Variants in EDA2R observed in about 807,000 individuals in gnomAD.
The protein encoded by EDA2R is ectodysplasin A2 receptor.
EDA2R carries 26 observed loss-of-function variants against 20.1 expected under a neutral mutation model. The ratio of observed to expected loss-of-function variants is 1.30; its 90% confidence interval spans 0.95 to 1.80. EDA2R has a LOEUF of 1.80. Ranked by LOEUF, EDA2R falls within the 40% of genes most tolerant of loss-of-function variation. The pLI, the probability that EDA2R is intolerant of heterozygous loss-of-function variation, is 0.00. For missense variants in EDA2R, 277 were observed against 228.7 expected, an observed-to-expected ratio of 1.21 and a Z score of -1.36; for synonymous variants, 114 against 88.7, an observed-to-expected ratio of 1.29 and a Z score of -1.60.
chrX:66,597,751 C>G lies in EDA2R; in HGVS notation c.*353G>C, dbSNP rs1927716172. ...AAAGTGCTAGGTAGATGTGCCAACA[C>G]AATTTTGAGAGGCTTACCTGACCAA... On this transcript the variant is annotated 3_prime_UTR_variant, in exon 7 of 7. Transcript: ENST00000374719. The G allele has an allele frequency of 6.7e-6, 1 of 148,932 alleles. No homozygotes were observed. Among genetic ancestry groups the G allele is most frequent in the Non-Finnish European group, 1.3e-5 (1 of 75,020 alleles). The allele number at this position is 148,932 out of a possible 1,213,427, so 12.3% of individuals were successfully genotyped here.
At chrX:66,622,855 T>G (rs1266282213) in intron 1 of EDA2R, among the ~76,000 whole-genome samples, 1 of 112,290 alleles carries the variant, frequency 8.9e-6, no homozygotes, top group Non-Finnish European at 1.9e-5. Flanking sequence ...CTATCAAACA[T>G]CATATCTTCC....
intron 1 of EDA2R, among the ~76,000 whole-genome samples, chrX:66,617,623 G>A (rs192448490): frequency 5.4e-5 from 6 of 111,352 alleles, no homozygotes; most frequent in East Asian, 2.9e-4. Flanking sequence ...CAACATAGGC[G>A]TTTAAAATCT....
chrX:66,597,994 G>C lies in EDA2R; in HGVS notation c.*110C>G, dbSNP rs1229437287. The C allele has an allele frequency of 1.1e-6, 1 of 951,116 alleles. No individual in the cohort carries two copies. The highest frequency in any genetic ancestry group is 2.0e-5 in the African/African-American group (1 of 49,606). 78.4% of individuals were successfully genotyped at this position (951,116 alleles called of 1,213,427 possible). ...GATATGCCCCATCTGTAGGGTATTAGCTCTTGTGGACATCACATTTCAGGC... is the reference window on the plus strand; with the variant it reads ...GATATGCCCCATCTGTAGGGTATTACCTCTTGTGGACATCACATTTCAGGC... On this transcript the variant is annotated 3_prime_UTR_variant, in exon 7 of 7. Transcript: ENST00000374719.
intron 1 of EDA2R, among the ~76,000 whole-genome samples, chrX:66,618,793 ACATC>A (rs10554107): frequency 0.066 from 7,445 of 112,046 alleles, 617 homozygotes; most frequent in African/African-American, 0.23. Context: ...TAGTAACCTC[ACATC>A]CATCAAAAAA....
intron 5 of EDA2R, among the ~76,000 whole-genome samples, chrX:66,600,729 A>G (rs1928436491): frequency 8.9e-6 from 1 of 112,015 alleles, no homozygotes; most frequent in Admixed American, 9.4e-5. Flanking sequence ...CTGGTTCAAC[A>G]TCAGGTCACA....
chrX:66,599,935 T>A, intron 5 of EDA2R, 75 bp from the exon 6 acceptor site: 1 of 1,153,145 alleles, frequency 8.7e-7, no homozygotes, highest in Non-Finnish European at 1.2e-6. Context: ...GGGTACTGAG[T>A]ACAAGACAGG....
chrX:66,638,313 T>C (rs985642830), intron 1 of EDA2R, among the ~76,000 whole-genome samples: 1 of 111,722 alleles, frequency 9.0e-6, no homozygotes, highest in African/African-American at 3.3e-5. Flanking sequence ...AGCATGACAT[T>C]GGCCAACGCT....
chrX:66,636,093 G>T (rs1195506273), intron 1 of EDA2R, among the ~76,000 whole-genome samples: 1 of 110,508 alleles, frequency 9.0e-6, no homozygotes, highest in Non-Finnish European at 1.9e-5. Flanking sequence ...TATAGACAGG[G>T]TCTCTCCATG....
intron 2 of EDA2R, among the ~76,000 whole-genome samples, chrX:66,610,575 G>A (rs1439549741): frequency 9.0e-6 from 1 of 111,385 alleles, no homozygotes; most frequent in Non-Finnish European, 1.9e-5. Flanking sequence ...TTGATTAATT[G>A]GTTAGCACTC....
In EDA2R at chrX:66,615,925, A is replaced by T; in HGVS notation, c.87+9T>A. 8.3e-7 allele frequency: 1 copy of T among 1,200,161 alleles called. No individual in the cohort carries two copies. The highest frequency in any genetic ancestry group is 1.1e-6 in the Non-Finnish European group (1 of 885,844). Reference sequence around the variant, plus strand: ...AACAGAAATAAGTGTACTGAATAGGATAACTTACCTTGGATAGCTCCTGTC... The same window carrying T: ...AACAGAAATAAGTGTACTGAATAGGTTAACTTACCTTGGATAGCTCCTGTC... On this transcript the variant is annotated intron_variant, in intron 2 of 6. Coordinates refer to ENST00000374719, the MANE Select transcript of EDA2R (RefSeq NM_021783.5).
intron 1 of EDA2R, among the ~76,000 whole-genome samples, chrX:66,630,433 A>G (rs1476972045): frequency 9.0e-6 from 1 of 111,703 alleles, no homozygotes; most frequent in Non-Finnish European, 1.9e-5. Context: ...AATCTGCACA[A>G]TATATACATC....
chrX:66,599,718 G>T lies in EDA2R; in HGVS notation c.660C>A (p.Asp220Glu). 1 of 1,209,704 alleles carries T rather than the reference G, an allele frequency of 8.3e-7. No individual in the cohort carries two copies. The highest frequency in any genetic ancestry group is 1.1e-6 in the Non-Finnish European group (1 of 894,742). ...GGAAGCCACTAGTCGAGCTGCAGTCGTCCTCGAGGATAGGGTTAAGTGGCT... is the reference window on the plus strand; with the variant it reads ...GGAAGCCACTAGTCGAGCTGCAGTCTTCCTCGAGGATAGGGTTAAGTGGCT... ...QTQPLNPILEDDCSSTSGFPT... is the reference protein window; with the variant it reads ...QTQPLNPILEEDCSSTSGFPT... Residue 220 changes from aspartate (D) to glutamate (E), a missense_variant, in exon 6 of 7, where the codon GAC (aspartate) becomes GAA (glutamate). Asp to Glu is a conservative substitution (Grantham distance 45, BLOSUM62 2). Transcript: ENST00000374719.
chrX:66,628,604 T>A (rs1325711718), intron 1 of EDA2R, among the ~76,000 whole-genome samples: 2 of 108,431 alleles, frequency 1.8e-5, no homozygotes, highest in African/African-American at 3.4e-5. Flanking sequence ...ATGGATAAAT[T>A]CCTGGAAAAA....
chrX:66,599,887 G>C, intron 5 of EDA2R, 27 bp from the exon 6 acceptor site: 1 of 1,191,791 alleles, frequency 8.4e-7, no homozygotes, highest in African/African-American at 1.7e-5. Flanking sequence ...AAAGCCACTG[G>C]GTTACCCAAA....
chrX:66,617,670 C>T (rs775467376), intron 1 of EDA2R, among the ~76,000 whole-genome samples: 1 of 111,150 alleles, frequency 9.0e-6, no homozygotes, highest in South Asian at 3.9e-4. Flanking sequence ...GGGTCTGAGA[C>T]ATCCTATTTC....
intron 1 of EDA2R, among the ~76,000 whole-genome samples, chrX:66,630,010 G>A (rs182030103): frequency 4.5e-4 from 50 of 111,238 alleles, no homozygotes; most frequent in Middle Eastern, 9.3e-3. Context: ...CCAATGGAAC[G>A]AAATCAAAAA....
intron 2 of EDA2R, among the ~76,000 whole-genome samples, chrX:66,610,229 C>T (rs1384529483): frequency 9.4e-6 from 1 of 106,708 alleles, no homozygotes; most frequent in Non-Finnish European, 1.9e-5. Flanking sequence ...GAAACACAAA[C>T]AGCTCTTATT....
At chrX:66,623,441 C>A (rs995867931) in intron 1 of EDA2R, among the ~76,000 whole-genome samples, 3 of 111,471 alleles carry the variant, frequency 2.7e-5, no homozygotes, top group African/African-American at 9.8e-5. Flanking sequence ...CATAATATCA[C>A]ATAAGTCCTA....
In EDA2R at chrX:66,599,610, C is replaced by T. The variant is rs201074069; in HGVS notation, c.768G>A (p.Glu256=). ...AGCTGGAAAACTTTTGCAGGTCCAG[C>T]TCTGTGCATTCGATGGGGCTGTGGA... ...HWVHSPIECT[E]LDLQKFSSSA... Residue 256 remains glutamate, a synonymous_variant, in exon 6 of 7, where the codon GAG becomes GAA. Transcript: ENST00000374719. 6 of 1,201,389 alleles carry T rather than the reference C, an allele frequency of 5.0e-6. No homozygotes were observed. The African/African-American group carries it at 8.8e-5, about 18-fold the overall frequency.
Sources: gnomAD v4.1 joint callset for allele counts (sites outside exome capture counted in the v4.1 genomes callset) on GRCh38, gnomAD v4.1.1 for gene constraint, MANE v1.5 for transcripts, NCBI Gene and HGNC (gene_info 2026-07-23, HGNC 2026-07-21) for gene names.